The following DMD variants were observed in gnomAD, a reference collection of about 807,000 sequenced individuals.
The protein encoded by DMD is mutant dystrophin.
A neutral mutation model predicts 330.1 loss-of-function variants in DMD; 63 were observed. The observed-to-expected ratio is 0.19, with a 90% CI of 0.16 to 0.24. The LOEUF (loss-of-function observed/expected upper bound fraction) is 0.24, where lower values mean the gene tolerates loss of function less well. Among genes scored for constraint, DMD ranks in the 10% least tolerant of loss-of-function variants. The pLI is 1.00. For missense variants in DMD, 3,344 were observed against 2,684.1 expected, an observed-to-expected ratio of 1.25 and a Z score of -5.43; for synonymous variants, 1,223 against 959.8, an observed-to-expected ratio of 1.27 and a Z score of -5.07.
intron 43 of DMD, among the ~76,000 whole-genome samples, chrX:32,240,407 T>A (rs1240571188): frequency 9.0e-6 from 1 of 111,214 alleles, no homozygotes; most frequent in Non-Finnish European, 1.9e-5. Flanking sequence ...ACCTGCTGCC[T>A]TGTGAGGTTA....
intron 55 of DMD, among the ~76,000 whole-genome samples, chrX:31,612,595 A>T (rs1480479530): frequency 8.9e-6 from 1 of 111,844 alleles, no homozygotes; most frequent in African/African-American, 3.2e-5. Flanking sequence ...AGACTTTCTT[A>T]AGGCTGCGCT....
At chrX:32,764,316 A>T (rs2072698002) in intron 7 of DMD, among the ~76,000 whole-genome samples, 2 of 111,488 alleles carry the variant, frequency 1.8e-5, no homozygotes, top group Admixed American at 9.6e-5. Context: ...ATATAACATA[A>T]AACATATAAT....
chrX:32,716,492 CTCTTA>C (rs959219944), intron 7 of DMD, among the ~76,000 whole-genome samples: 2 of 111,491 alleles, frequency 1.8e-5, no homozygotes, highest in Non-Finnish European at 3.8e-5. Flanking sequence ...TTAAGTAAAC[CTCTTA>C]TCTTTACAAA....
At chrX:31,145,662 A>ATT (rs749721258) in intron 76 of DMD, among the ~76,000 whole-genome samples, 63 of 86,285 alleles carry the variant, frequency 7.3e-4, no homozygotes, top group African/African-American at 2.5e-3. Flanking sequence ...TGGGAACTCT[A>ATT]TTTTTTTTTT....
intron 16 of DMD, among the ~76,000 whole-genome samples, chrX:32,557,021 T>A (rs1384536813): frequency 8.9e-6 from 1 of 111,995 alleles, no homozygotes; most frequent in East Asian, 2.8e-4. Context: ...GAATTGATTA[T>A]CTTATTCAAA....
intron 60 of DMD, among the ~76,000 whole-genome samples, chrX:31,430,923 C>T (rs1337851026): frequency 9.4e-6 from 1 of 106,414 alleles, no homozygotes; most frequent in Non-Finnish European, 1.9e-5. Context: ...CAGCCTCAGC[C>T]TCCCAAGTAG....
At chrX:33,299,136 G>A (rs1407877442) in intron 1 of DMD, among the ~76,000 whole-genome samples, 1 of 111,363 alleles carries the variant, frequency 9.0e-6, no homozygotes, top group Non-Finnish European at 1.9e-5. Flanking sequence ...TTATAAGCAA[G>A]GTCTGCAAAT....
At chrX:33,306,901 C>G (rs1263460667) in intron 1 of DMD, among the ~76,000 whole-genome samples, 1 of 111,674 alleles carries the variant, frequency 9.0e-6, no homozygotes, top group Non-Finnish European at 1.9e-5. Context: ...TTTATCCCCA[C>G]CCTGACTAAT....
chrX:32,493,704 T>G (rs1482315595), intron 19 of DMD, among the ~76,000 whole-genome samples: 1 of 112,129 alleles, frequency 8.9e-6, no homozygotes, highest in Non-Finnish European at 1.9e-5. Context: ...TGATAAAACG[T>G]TAACATTTCT....
chrX:32,935,145 A>C (rs1210024903), intron 2 of DMD, among the ~76,000 whole-genome samples: 1 of 112,250 alleles, frequency 8.9e-6, no homozygotes, highest in African/African-American at 3.2e-5. Context: ...CGCCCCGCTA[A>C]TTTCTTGTAT....
chrX:32,134,904 GC>G lies in DMD; in HGVS notation c.6438+82011del, dbSNP rs1162548819. 4.5e-5 allele frequency among the ~76,000 whole-genome samples: 5 copies of G among 112,019 alleles called. No homozygotes were observed. In the South Asian group the frequency reaches 1.5e-3, roughly 33 times the overall value. ...TCCATGGGTGCAAACAGAGTTCTAAGCCTACTGCAATAAGATTTGACTTTAT... is the reference window on the plus strand; with the variant it reads ...TCCATGGGTGCAAACAGAGTTCTAAGCTACTGCAATAAGATTTGACTTTAT... On this transcript the variant is annotated intron_variant, in intron 44 of 78. Coordinates refer to ENST00000357033, the MANE Select transcript of DMD (RefSeq NM_004006.3).
chrX:31,634,845 C>A, intron 54 of DMD, among the ~76,000 whole-genome samples: 1 of 111,127 alleles, frequency 9.0e-6, no homozygotes, highest in Non-Finnish European at 1.9e-5. Flanking sequence ...TATTTCAACT[C>A]ATAAATCACT....
intron 44 of DMD, among the ~76,000 whole-genome samples, chrX:32,069,570 A>G (rs2096282057): frequency 8.9e-6 from 1 of 112,018 alleles, no homozygotes; most frequent in African/African-American, 3.2e-5. Context: ...TTTCTATAAC[A>G]TAGTTTGATC....
chrX:31,430,844 C>T (rs1464289325), intron 60 of DMD, among the ~76,000 whole-genome samples: 2 of 90,078 alleles, frequency 2.2e-5, no homozygotes, highest in African/African-American at 8.6e-5. Context: ...CACTCTGTCA[C>T]CAGTCTGGAG....
intron 62 of DMD, among the ~76,000 whole-genome samples, chrX:31,285,900 C>G (rs2070770987): frequency 8.9e-6 from 1 of 111,878 alleles, no homozygotes; most frequent in South Asian, 3.8e-4. Flanking sequence ...TTAGCCAGAT[C>G]AAAGCCTCTG....
chrX:32,789,150 G>A (rs1301777820), intron 7 of DMD, among the ~76,000 whole-genome samples: 2 of 112,019 alleles, frequency 1.8e-5, no homozygotes, highest in Non-Finnish European at 3.8e-5. Context: ...GTGCAGACAG[G>A]AGATAAGGCA....
At chrX:31,320,147 A>G (rs2056312722) in intron 62 of DMD, among the ~76,000 whole-genome samples, 1 of 112,475 alleles carries the variant, frequency 8.9e-6, no homozygotes, top group Admixed American at 9.4e-5. Context: ...TATGCTGTGG[A>G]CAAATAAACT....
intron 67 of DMD, among the ~76,000 whole-genome samples, chrX:31,196,013 A>G (rs773964051): frequency 3.1e-3 from 347 of 112,246 alleles, no homozygotes; most frequent in Non-Finnish European, 3.7e-3. Context: ...CCTATCTTCA[A>G]AATTCTGGTG....
At chrX:31,138,661 GAGAGAGAGAGAGA>G (rs2035595089) in intron 76 of DMD, among the ~76,000 whole-genome samples, 2 of 95,526 alleles carry the variant, frequency 2.1e-5, no homozygotes, top group African/African-American at 7.8e-5. Context: ...GAGAGAGAGA[GAGAGAGAGAGAGA>G]GAGAGAGAGA....
Sources: gnomAD v4.1 joint callset for allele counts (sites outside exome capture counted in the v4.1 genomes callset) on GRCh38, gnomAD v4.1.1 for gene constraint, MANE v1.5 for transcripts, NCBI Gene and HGNC (gene_info 2026-07-23, HGNC 2026-07-21) for gene names.